SCTR: variants seen among roughly 807,000 people sequenced by gnomAD.
The protein encoded by SCTR is pancreatic secretin receptor.
A neutral mutation model predicts 60.8 loss-of-function variants in SCTR; 56 were observed. The ratio of observed to expected loss-of-function variants is 0.92; its 90% CI spans 0.74 to 1.15. The LOEUF (loss-of-function observed/expected upper bound fraction) is 1.15. Among genes scored for constraint, SCTR ranks in the 50% most tolerant of loss-of-function variants. The pLI is 0.00. For missense variants in SCTR, 562 were observed against 550.4 expected, an observed-to-expected ratio of 1.02 and a Z score of -0.21; for synonymous variants, 202 against 217.0, an observed-to-expected ratio of 0.93 and a Z score of 0.61.
intron 1 of SCTR, among the ~76,000 whole-genome samples, chr2:119,514,614 G>A (rs1013817233): frequency 6.6e-6 from 1 of 152,088 alleles, no homozygotes; most frequent in Non-Finnish European, 1.5e-5. Flanking sequence ...AGTGGCTCAC[G>A]GCTGCAATCC....
rs941187278 is a variant in SCTR, at chr2:119,491,673, G to A, written c.193+2755C>T. On this transcript the variant is annotated intron_variant, in intron 2 of 12. Coordinates refer to ENST00000019103, the MANE Select transcript of SCTR (RefSeq NM_002980.3). ...ATTACAGGCGCCCACAACCACACCC[G>A]GCTAATTTTGTATTTTTAGTAGAGA... 3.1e-4 allele frequency among the ~76,000 whole-genome samples: 47 copies of A among 152,136 alleles called. 1 individual carries two copies. The highest frequency in any genetic ancestry group is 3.4e-3 in the Middle Eastern group (1 of 294).
chr2:119,439,941 G>T lies in SCTR; in HGVS notation c.*176C>A. 1 of 636,262 alleles carries T rather than the reference G, an allele frequency of 1.6e-6. No homozygotes were observed. Among genetic ancestry groups the T allele is most frequent in the Non-Finnish European group, 2.6e-6 (1 of 381,108 alleles). 39.4% of individuals were successfully genotyped at this position (636,262 alleles called of 1,614,324 possible). On this transcript the variant is annotated 3_prime_UTR_variant, in exon 13 of 13. Transcript: ENST00000019103. ...CAAACGAACCAAATCCCAGGCCCTTGTCCTGCCCCACAGTGCCTCACATCC... is the reference window on the plus strand; with the variant it reads ...CAAACGAACCAAATCCCAGGCCCTTTTCCTGCCCCACAGTGCCTCACATCC...
At chr2:119,497,348 CA>C (rs144617003) in intron 1 of SCTR, among the ~76,000 whole-genome samples, 4,735 of 138,682 alleles carry the variant, frequency 0.034, 88 homozygotes, top group South Asian at 0.059. Flanking sequence ...CTTCCCCTCT[CA>C]AAAAAAAAAA....
At chr2:119,509,801 T>A (rs571800320) in intron 1 of SCTR, among the ~76,000 whole-genome samples, 1 of 152,188 alleles carries the variant, frequency 6.6e-6, no homozygotes, top group African/African-American at 2.4e-5. Flanking sequence ...CATTTAGCAA[T>A]AACTCCACAT....
Position 119,494,452 on chromosome 2 carries a change from G to A in SCTR, c.169C>T (p.Leu57=). Residue 57 remains leucine, a synonymous_variant, in exon 2 of 13, where the codon CTG becomes TTG. Coordinates refer to ENST00000019103, the MANE Select transcript of SCTR (RefSeq NM_002980.3). ...QELSREQTGD[L]GTEQPVPGCE... Reference sequence around the variant, plus strand: ...CCTGGCACTGGCTGCTCCGTGCCCAGGTCTCCTGTCTGCTCTCTGGAGAGT... The same window carrying A: ...CCTGGCACTGGCTGCTCCGTGCCCAAGTCTCCTGTCTGCTCTCTGGAGAGT... 6.2e-7 allele frequency: 1 copy of A among 1,613,966 alleles called. No homozygotes were observed. The highest frequency in any genetic ancestry group is 1.1e-5 in the South Asian group (1 of 91,052).
Position 119,453,330 on chromosome 2 carries a change from C to G in SCTR, c.808G>C (p.Val270Leu), listed in dbSNP as rs151244732. The change falls in exon 8 of 13, where the codon GTT (valine) becomes CTT (leucine). Residue 270 changes from valine (V) to leucine (L), a missense_variant. Transcript: ENST00000019103. ...TGTCTGGCAATAGCCCACAAAGCAA[C>G]AAAAATGGCTGGAGAACCTGAGGAT... Reference protein sequence around the residue: ...AFGWGSPAIFVALWAIARHFL... With the variant: ...AFGWGSPAIFLALWAIARHFL... 6.2e-7 allele frequency: 1 copy of G among 1,613,886 alleles called. No individual in the cohort carries two copies. Among genetic ancestry groups the G allele is most frequent in the Admixed American group, 1.7e-5 (1 of 60,014 alleles).
At chr2:119,500,297 A>G (rs1189424885) in intron 1 of SCTR, among the ~76,000 whole-genome samples, 2 of 152,312 alleles carry the variant, frequency 1.3e-5, no homozygotes, top group East Asian at 3.9e-4. Flanking sequence ...TACAGCTATT[A>G]TGGAAAACAG....
chr2:119,464,682 C>A (rs1683758586), intron 5 of SCTR, among the ~76,000 whole-genome samples: 2 of 152,124 alleles, frequency 1.3e-5, no homozygotes, highest in Non-Finnish European at 2.9e-5. Context: ...GGAGTTCTAC[C>A]ATTGCCACTG....
At chr2:119,504,610 T>A (rs1678669491) in intron 1 of SCTR, among the ~76,000 whole-genome samples, 1 of 147,924 alleles carries the variant, frequency 6.8e-6, no homozygotes, top group Non-Finnish European at 1.5e-5. Context: ...AAATTAAAAA[T>A]AAATAAATAA....
chr2:119,485,607 C>A (rs189399003), intron 2 of SCTR, among the ~76,000 whole-genome samples: 46 of 152,212 alleles, frequency 3.0e-4, no homozygotes, highest in African/African-American at 1.1e-3. Context: ...GCCCGGCCCC[C>A]GGGGCCATGC....
chr2:119,451,543 C>T (rs1349115236), intron 9 of SCTR, among the ~76,000 whole-genome samples: 3 of 152,222 alleles, frequency 2.0e-5, no homozygotes, highest in Non-Finnish European at 2.9e-5. Flanking sequence ...TGAGCCCACT[C>T]GCAGCACTGC....
intron 2 of SCTR, chr2:119,484,896 C>T (rs1677798323): frequency 1.3e-5 from 2 of 152,486 alleles, no homozygotes; most frequent in Admixed American, 1.3e-4. Flanking sequence ...ATGGAGGGTT[C>T]CAGAAGAGGT....
chr2:119,519,420 A>T (rs1183542482), intron 1 of SCTR, among the ~76,000 whole-genome samples: 3 of 152,174 alleles, frequency 2.0e-5, no homozygotes, highest in African/African-American at 7.2e-5. Flanking sequence ...TTTAAATGAA[A>T]ATTAATGCTA....
intron 9 of SCTR, among the ~76,000 whole-genome samples, chr2:119,451,358 A>G (rs1315797246): frequency 6.6e-6 from 1 of 152,218 alleles, no homozygotes; most frequent in Non-Finnish European, 1.5e-5. Flanking sequence ...ACAGAGCAGA[A>G]TCGCCTGGGG....
chr2:119,464,323 T>C, intron 5 of SCTR, 68 bp from the exon 6 acceptor site: 1 of 1,500,770 alleles, frequency 6.7e-7, no homozygotes, highest in Non-Finnish European at 9.3e-7. Context: ...CAGGCCCACC[T>C]GCCACCAGTG....
At chr2:119,512,441 G>C (rs1678987362) in intron 1 of SCTR, among the ~76,000 whole-genome samples, 1 of 151,140 alleles carries the variant, frequency 6.6e-6, no homozygotes, top group Non-Finnish European at 1.5e-5. Flanking sequence ...CTATTTCCCA[G>C]GCTGGAGTGC....
intron 3 of SCTR, among the ~76,000 whole-genome samples, chr2:119,474,843 A>G (rs546018318): frequency 9.7e-4 from 147 of 152,324 alleles, no homozygotes; most frequent in Non-Finnish European, 1.4e-3. Context: ...AGCGTCTAGG[A>G]CCAGGAGACC....
intron 2 of SCTR, among the ~76,000 whole-genome samples, chr2:119,481,481 C>G (rs1677598675): frequency 6.6e-6 from 1 of 152,218 alleles, no homozygotes; most frequent in African/African-American, 2.4e-5. Context: ...CCCAAAAATG[C>G]CGCTGAAGTG....
intron 11 of SCTR, among the ~76,000 whole-genome samples, chr2:119,445,676 C>A (rs1250742940): frequency 6.6e-6 from 1 of 152,208 alleles, no homozygotes; most frequent in Non-Finnish European, 1.5e-5. Context: ...TTAAAAAAAA[C>A]TACTGGGAGA....
Sources: allele counts gnomAD v4.1 joint callset (sites outside exome capture counted in the v4.1 genomes callset), GRCh38; gene constraint gnomAD v4.1.1; transcripts MANE v1.5; gene names NCBI Gene and HGNC (gene_info 2026-07-23, HGNC 2026-07-21).